SYT3: variants seen among roughly 807,000 people sequenced by gnomAD.
The protein encoded by SYT3 is synaptotagmin 3.
A neutral mutation model predicts 50.6 loss-of-function variants in SYT3; 25 were observed. The ratio of observed to expected loss-of-function variants is 0.49; its 90% CI spans 0.36 to 0.69. The LOEUF is 0.69. Ranked by LOEUF, SYT3 falls within the 30% of genes least tolerant of loss-of-function variation. The pLI, the probability that SYT3 is intolerant of heterozygous loss-of-function variation, is 0.00. For synonymous variants in SYT3, 323 were observed against 353.9 expected, an observed-to-expected ratio of 0.91 and a Z score of 0.98; for missense variants, 589 against 793.6, an observed-to-expected ratio of 0.74 and a Z score of 3.10.
chr19:50,632,012 G>A lies in SYT3; in HGVS notation c.674+274C>T, dbSNP rs1011916759. The stretch of plus-strand genomic sequence containing the variant: ...CAACCTTATTCTCCTCTACTTTCCT[G>A]TCCTAAGTCCTGCCCCCAGTCTCCT... On this transcript the variant is annotated intron_variant, in intron 4 of 10. Transcript: ENST00000600079. This position sits in a 1 kb window ranked among gnomAD's most constrained non-coding sequence, Gnocchi z 4.7. Among the ~76,000 whole-genome samples the A allele has an allele frequency of 6.6e-6, 1 of 151,988 alleles. No individual in the cohort carries two copies. Among genetic ancestry groups the A allele is most frequent in the Non-Finnish European group, 1.5e-5 (1 of 67,986 alleles).
the SYT3 span, among the ~76,000 whole-genome samples, chr19:50,656,528 C>G: frequency 6.6e-6 from 1 of 152,114 alleles, no homozygotes; most frequent in Non-Finnish European, 1.5e-5. Flanking sequence ...GTCATGAAAT[C>G]TACTGCTCAT....
the SYT3 span, among the ~76,000 whole-genome samples, chr19:50,653,393 T>TGC: frequency 4.0e-5 from 6 of 151,548 alleles, no homozygotes; most frequent in Admixed American, 3.9e-4. Flanking sequence ...AGTAAGCACA[T>TGC]AGTTATATTG....
At position 50,636,127 on chromosome 19, in the gene SYT3, G is replaced by A. The variant is rs1257695864; in HGVS notation, c.148+1137C>T. ...AAATTAACTGGGCGTGGTGGCAGAC[G>A]CCTGTAATCCTAGCTACTCTGGAGG... is the stretch of plus-strand genomic sequence containing the variant. On this transcript the variant is annotated intron_variant, in intron 3 of 10. Coordinates refer to ENST00000600079, the MANE Select transcript of SYT3 (RefSeq NM_001160329.2). Among the ~76,000 whole-genome samples the A allele has an allele frequency of 1.1e-4, 16 of 152,186 alleles. No homozygotes were observed. The East Asian group carries it at 1.2e-3, about 11-fold the overall frequency.
At chr19:50,640,003 G>T (rs987796161), upstream of SYT3, among the ~76,000 whole-genome samples, 3 of 152,178 alleles carry the variant, frequency 2.0e-5, no homozygotes, top group South Asian at 6.2e-4. Flanking sequence ...GACTAAGGCA[G>T]CAGAGACCCA....
chr19:50,628,489 C>T (rs577350993), intron 6 of SYT3, among the ~76,000 whole-genome samples: 25 of 152,092 alleles, frequency 1.6e-4, no homozygotes, highest in Admixed American at 1.5e-3. Flanking sequence ...TATCAGCATT[C>T]GGGCAGGGAC....
chr19:50,640,196 T>G (rs563442134), upstream of SYT3, among the ~76,000 whole-genome samples: 103 of 152,056 alleles, frequency 6.8e-4, no homozygotes, highest in Non-Finnish European at 1.3e-3. Flanking sequence ...AGGCCGGTGG[T>G]AGGAGCGGAA....
At chr19:50,629,132 T>C (rs1465520266) in intron 6 of SYT3, among the ~76,000 whole-genome samples, 162 bp downstream of exon 6, 2 of 152,188 alleles carry the variant, frequency 1.3e-5, no homozygotes, top group Non-Finnish European at 2.9e-5. Flanking sequence ...TCATTCTCTA[T>C]TCTTGCCTGT....
chr19:50,649,658 T>G, the SYT3 span: 1 of 917,428 alleles, frequency 1.1e-6, no homozygotes, highest in Non-Finnish European at 1.7e-6. Flanking sequence ...ACCAGATTCC[T>G]GGAGAGCGGC....
chr19:50,629,323 G>C lies in SYT3; in HGVS notation c.1252C>G (p.Leu418Val). 6.2e-7 allele frequency: 1 copy of C among 1,611,922 alleles called. No homozygotes were observed. Among genetic ancestry groups the C allele is most frequent in the South Asian group, 1.1e-5 (1 of 90,792 alleles). ...ELAEQPPDRP[L>V]WRDIVEGGSE... ...CCGCCCTCCACGATGTCCCTCCAGA[G>C]CGGGCGGTCAGGGGGCTGCTCGGCC... The change falls in exon 6 of 11, where the codon CTC (leucine) becomes GTC (valine). Residue 418 changes from leucine to valine, a missense_variant. Physicochemically the swap from Leu to Val is conservative, Grantham distance 32. Around this residue, in one of 2 missense-constraint regions of SYT3, gnomAD observed 273 missense variants for 439.3 expected, o/e 0.62. Transcript: ENST00000600079.
the SYT3 span, chr19:50,649,323 T>C: frequency 1.1e-6 from 1 of 944,956 alleles, no homozygotes. Flanking sequence ...TCTGTAATTC[T>C]ACCCCGGGGC....
At chr19:50,636,172 T>C (rs1471651510) in intron 3 of SYT3, among the ~76,000 whole-genome samples, 2 of 152,136 alleles carry the variant, frequency 1.3e-5, no homozygotes, top group African/African-American at 2.4e-5. Flanking sequence ...GAGAATCACT[T>C]GAACCTGGGA....
chr19:50,648,955 T>G, the SYT3 span, among the ~76,000 whole-genome samples: 1 of 144,518 alleles, frequency 6.9e-6, no homozygotes. Context: ...GGTGACGGGG[T>G]TAGGGAGAGG....
At chr19:50,641,266 G>A (rs1167677802), upstream of SYT3, among the ~76,000 whole-genome samples, 1 of 136,384 alleles carries the variant, frequency 7.3e-6, no homozygotes, top group Admixed American at 8.2e-5. Context: ...TGAAAGCTCC[G>A]CCTCCCGGGT....
chr19:50,625,257 C>T lies in SYT3; in HGVS notation c.1612G>A (p.Gly538Ser). ...CCGTGCGGGTCGGCAGCGTCGGGGC[C>T]CACACGGCACACGCCGATCACCTCG... ...HNEVIGVCRV[G>S]PDAADPHGRE... The change falls in exon 9 of 11, where the codon GGC (glycine) becomes AGC (serine). Residue 538 changes from glycine to serine, a missense_variant. This residue lies in a region of SYT3 where 273 missense variants were observed against 439.3 expected (regional missense o/e 0.62). Coordinates refer to ENST00000600079, the MANE Select transcript of SYT3 (RefSeq NM_001160329.2). The surrounding 1 kb of genome is among the most constrained non-coding windows in gnomAD (Gnocchi z 7.5). 6.4e-7 allele frequency: 1 copy of T among 1,555,436 alleles called. No homozygotes were observed. The highest frequency in any genetic ancestry group is 8.7e-7 in the Non-Finnish European group (1 of 1,154,868).
chr19:50,626,930 C>T (rs895596513), intron 6 of SYT3, among the ~76,000 whole-genome samples: 2 of 151,144 alleles, frequency 1.3e-5, no homozygotes, highest in Non-Finnish European at 2.9e-5. Flanking sequence ...ACTCAGATAC[C>T]CTACTCCCTG....
intron 9 of SYT3, among the ~76,000 whole-genome samples, chr19:50,624,024 G>A (rs986938131): frequency 7.3e-5 from 11 of 151,210 alleles, no homozygotes; most frequent in Non-Finnish European, 8.8e-5. Flanking sequence ...GTGTGGTGGT[G>A]AGATCATAGC....
chr19:50,649,674 T>A, the SYT3 span: 1 of 798,356 alleles, frequency 1.3e-6, no homozygotes, highest in Non-Finnish European at 2.1e-6. Flanking sequence ...GCGGCCCCCT[T>A]GGACCTCAAA....
intron 4 of SYT3, 116 bp from the exon 5 acceptor site, chr19:50,630,287 C>G (rs1025808178): frequency 2.3e-5 from 25 of 1,074,514 alleles, no homozygotes; most frequent in Non-Finnish European, 3.2e-5. Flanking sequence ...CAGGTGGCCA[C>G]AAGTCCCCTC....
At chr19:50,635,831 T>C (rs909228478) in intron 3 of SYT3, among the ~76,000 whole-genome samples, 1 of 152,234 alleles carries the variant, frequency 6.6e-6, no homozygotes, top group African/African-American at 2.4e-5. Context: ...GCACTGTCCA[T>C]GTGACTCCAC....
Sources: allele counts gnomAD v4.1 joint callset (sites outside exome capture counted in the v4.1 genomes callset), GRCh38; gene constraint gnomAD v4.1.1; regional missense constraint gnomAD v4.1.1; non-coding constraint Gnocchi (gnomAD v3.1); transcripts MANE v1.5; gene names NCBI Gene and HGNC (gene_info 2026-07-23, HGNC 2026-07-21).